ADAMTS20: variants seen among roughly 807,000 people sequenced by gnomAD.
ADAMTS20 encodes ADAM metallopeptidase with thrombospondin type 1 motif 20.
A neutral mutation model predicts 260.1 loss-of-function variants in ADAMTS20; 225 were observed. The observed-to-expected ratio is 0.87, with a 90% CI of 0.78 to 0.97. ADAMTS20 has a LOEUF of 0.97. ADAMTS20 is among the 50% of genes least tolerant of loss of function. The pLI, the probability that ADAMTS20 is intolerant of heterozygous loss-of-function variation, is 0.00. For synonymous variants in ADAMTS20, 802 were observed against 769.5 expected (o/e 1.04, Z -0.70); for missense variants, 2,400 against 2,337.7 (o/e 1.03, Z -0.55).
At chr12:43,362,057 A>G (rs1939881272) in intron 37 of ADAMTS20, among the ~76,000 whole-genome samples, 1 of 152,134 alleles carries the variant, frequency 6.6e-6, no homozygotes, top group Non-Finnish European at 1.5e-5. Context: ...ACTTATCTCT[A>G]ATTACATCAA....
chr12:43,425,105 C>T (rs1419653703), intron 28 of ADAMTS20, among the ~76,000 whole-genome samples: 3 of 152,162 alleles, frequency 2.0e-5, no homozygotes, highest in South Asian at 2.1e-4. Flanking sequence ...ACGTCCTTTG[C>T]GGGGACATGG....
chr12:43,381,769 A>C (rs1213329290), intron 31 of ADAMTS20, among the ~76,000 whole-genome samples: 4 of 133,304 alleles, frequency 3.0e-5, no homozygotes, highest in Non-Finnish European at 6.5e-5. Context: ...CAACAGAACA[A>C]GACTGCATCT....
At chr12:43,453,573 C>T (rs1229187468) in intron 12 of ADAMTS20, among the ~76,000 whole-genome samples, 1 of 151,668 alleles carries the variant, frequency 6.6e-6, no homozygotes, top group Non-Finnish European at 1.5e-5. Flanking sequence ...GTGAAAGTAG[C>T]CAGGATGTTT....
chr12:43,450,447 A>G (rs941652751), intron 14 of ADAMTS20, among the ~76,000 whole-genome samples: 6 of 152,188 alleles, frequency 3.9e-5, no homozygotes, highest in Non-Finnish European at 8.8e-5. Flanking sequence ...ATGTTCAGAT[A>G]ATCTTCATCA....
downstream of ADAMTS20, among the ~76,000 whole-genome samples, chr12:43,353,311 G>A (rs1477158514): frequency 6.6e-6 from 1 of 151,634 alleles, no homozygotes; most frequent in Non-Finnish European, 1.5e-5. Flanking sequence ...ATATTTTTAT[G>A]TTTACCAAAA....
intron 28 of ADAMTS20, among the ~76,000 whole-genome samples, chr12:43,403,453 G>A (rs1051257282): frequency 1.3e-5 from 2 of 152,112 alleles, no homozygotes; most frequent in East Asian, 1.9e-4. Context: ...ACAGTAGGGG[G>A]AAACATACAG....
intron 2 of ADAMTS20, among the ~76,000 whole-genome samples, chr12:43,549,364 A>G (rs1044348775): frequency 6.6e-6 from 1 of 152,054 alleles, no homozygotes; most frequent in African/African-American, 2.4e-5. Context: ...CTAGAGAGTT[A>G]TGACTCAAAA....
chr12:43,417,627 T>G (rs1028470700), intron 28 of ADAMTS20, among the ~76,000 whole-genome samples: 8 of 152,174 alleles, frequency 5.3e-5, no homozygotes, highest in African/African-American at 1.9e-4. Context: ...GAACATATAT[T>G]CCTCATAAGT....
At chr12:43,437,678 T>C (rs1436561753) in intron 18 of ADAMTS20, among the ~76,000 whole-genome samples, 1 of 152,188 alleles carries the variant, frequency 6.6e-6, no homozygotes, top group Non-Finnish European at 1.5e-5. Context: ...CTCAAAAATA[T>C]TCTCTTCTCA....
chr12:43,392,581 T>C (rs779969277), intron 29 of ADAMTS20, among the ~76,000 whole-genome samples: 8 of 152,108 alleles, frequency 5.3e-5, no homozygotes, highest in Non-Finnish European at 1.5e-5. Flanking sequence ...CATAAATCAG[T>C]ATGGTTTTAG....
Position 43,419,957 on chromosome 12 carries a change from G to T in ADAMTS20, c.4284+5557C>A, listed in dbSNP as rs190567055. Among the ~76,000 whole-genome samples the T allele has an allele frequency of 3.8e-3, 584 of 152,250 alleles. 2 individuals are homozygous for T. Among genetic ancestry groups the T allele is most frequent in the Non-Finnish European group, 5.9e-3 (401 of 68,016 alleles). The stretch of plus-strand genomic sequence containing the variant: ...CACATGTGCAGAAAAGGTAGATGCT[G>T]CAATTATGCAAAATATTATTCTTTT... On this transcript the variant is annotated intron_variant, in intron 28 of 38. Coordinates refer to ENST00000389420, the MANE Select transcript of ADAMTS20 (RefSeq NM_025003.5).
At chr12:43,357,892 A>T (rs1015311685) in intron 37 of ADAMTS20, among the ~76,000 whole-genome samples, 11 of 152,140 alleles carry the variant, frequency 7.2e-5, no homozygotes, top group African/African-American at 2.7e-4. Flanking sequence ...CTAAAACCAG[A>T]CAAAGTCGTA....
intron 36 of ADAMTS20, among the ~76,000 whole-genome samples, chr12:43,372,469 T>C (rs1164325602): frequency 2.0e-5 from 3 of 152,270 alleles, no homozygotes; most frequent in African/African-American, 7.2e-5. Context: ...GATTAGAGTA[T>C]AGCATGGGGA....
At chr12:43,537,366 T>C (rs1398518179) in intron 2 of ADAMTS20, among the ~76,000 whole-genome samples, 1 of 152,094 alleles carries the variant, frequency 6.6e-6, no homozygotes, top group Non-Finnish European at 1.5e-5. Flanking sequence ...TTACTTTTAT[T>C]TTTAATGTTT....
chr12:43,415,698 C>T (rs889521183), intron 28 of ADAMTS20, among the ~76,000 whole-genome samples: 1 of 152,138 alleles, frequency 6.6e-6, no homozygotes, highest in Non-Finnish European at 1.5e-5. Flanking sequence ...AAACAGGAGT[C>T]AAACTGAGGC....
chr12:43,451,771 G>A (rs1435831403), intron 14 of ADAMTS20, among the ~76,000 whole-genome samples: 1 of 151,970 alleles, frequency 6.6e-6, no homozygotes, highest in African/African-American at 2.4e-5. Context: ...GGGGTTCTCT[G>A]CTCCAGTCTT....
chr12:43,427,481 A>G lies in ADAMTS20; in HGVS notation c.3946-12T>C. ...CAACTGCTGGAGCACTGACAAGAAT[A>G]AAACACAAAATATGCACAAACTGCG... is the stretch of plus-strand genomic sequence containing the variant. On this transcript the variant is annotated splice_polypyrimidine_tract_variant and intron_variant, in intron 26 of 38. Coordinates refer to ENST00000389420, the MANE Select transcript of ADAMTS20 (RefSeq NM_025003.5). The G allele has an allele frequency of 1.3e-6, 2 of 1,595,264 alleles. No homozygotes were observed. Among genetic ancestry groups the G allele is most frequent in the South Asian group, 1.1e-5 (1 of 87,642 alleles).
chr12:43,504,488 C>T (rs1300658875), intron 3 of ADAMTS20, among the ~76,000 whole-genome samples: 2 of 152,134 alleles, frequency 1.3e-5, no homozygotes, highest in East Asian at 3.9e-4. Flanking sequence ...ATTGTGCAGT[C>T]CTAAAACTTT....
At chr12:43,545,474 C>G (rs17093459) in intron 2 of ADAMTS20, among the ~76,000 whole-genome samples, 14,342 of 152,248 alleles carry the variant, frequency 0.094, 862 homozygotes, top group Admixed American at 0.2. Flanking sequence ...CAGCAGAGGT[C>G]TCACAACTCT....
Sources: gnomAD v4.1 joint callset for allele counts (sites outside exome capture counted in the v4.1 genomes callset) on GRCh38, gnomAD v4.1.1 for gene constraint, MANE v1.5 for transcripts, NCBI Gene and HGNC (gene_info 2026-07-23, HGNC 2026-07-21) for gene names.